Variants in LY75 observed in about 807,000 individuals in gnomAD.
The protein encoded by LY75 is lymphocyte antigen 75.
LY75 carries 185 observed loss-of-function variants against 231.7 expected under a neutral mutation model. The ratio of observed to expected loss-of-function variants is 0.80; its 90% confidence interval spans 0.71 to 0.90. The LOEUF (loss-of-function observed/expected upper bound fraction) is 0.90. Among genes scored for constraint, LY75 ranks in the 40% least tolerant of loss-of-function variants. LY75 has a pLI of 0.00. For missense variants in LY75, 1,947 were observed against 2,050.2 expected (o/e 0.95, Z 0.97); for synonymous variants, 668 against 689.0 (o/e 0.97, Z 0.48).
intron 23 of LY75, among the ~76,000 whole-genome samples, chr2:159,843,109 A>T (rs569212267): frequency 4.6e-5 from 7 of 152,156 alleles, no homozygotes; most frequent in African/African-American, 1.7e-4. Flanking sequence ...TTTTTTTTAA[A>T]GGAAATATGA....
rs2125824615 is a variant in LY75 at position 159,804,453 on chromosome 2, T to C, written c.*591A>G. ...TCGCTTGAACCTGGGAGGCGGAGAT[T>C]TGCAGTGAGCCGAGATCACGCCATT... On this transcript the variant is annotated 3_prime_UTR_variant, in exon 35 of 35. Coordinates refer to ENST00000263636, the MANE Select transcript of LY75 (RefSeq NM_002349.4). The C allele has an allele frequency of 6.5e-6, 1 of 152,722 alleles. No homozygotes were observed. The highest frequency in any genetic ancestry group is 6.5e-5 in the Admixed American group (1 of 15,292). The allele number at this position is 152,722 out of a possible 1,614,324, so 9.5% of individuals were successfully genotyped here.
At chr2:159,828,954 A>G (rs1283765580) in intron 28 of LY75, among the ~76,000 whole-genome samples, 6 of 152,236 alleles carry the variant, frequency 3.9e-5, no homozygotes, top group Admixed American at 3.9e-4. Context: ...TTTTACATTC[A>G]GGCAATCTGT....
intron 23 of LY75, among the ~76,000 whole-genome samples, chr2:159,848,093 T>TATACACACACACACACAC: frequency 1.0e-3 from 29 of 28,558 alleles, no homozygotes; most frequent in African/African-American, 1.4e-3. Context: ...TATATATATA[T>TATACACACACACACACAC]ACACACACAC....
At chr2:159,861,392 T>G (rs1165270657) in intron 14 of LY75, among the ~76,000 whole-genome samples, 1 of 152,120 alleles carries the variant, frequency 6.6e-6, no homozygotes, top group Non-Finnish European at 1.5e-5. Context: ...CCTTATAATA[T>G]AAATGTGGAA....
At position 159,850,791 on chromosome 2, in the gene LY75, T is replaced by TAAAA. The variant is rs1553805727; in HGVS notation, c.2884-325_2884-324insTTTT. Reference sequence around the variant, plus strand: ...AAACTTTCATATATATATATATATATATATATATTATATCTTATATATAAG... The same window carrying TAAAA: ...AAACTTTCATATATATATATATATATAAAAATATATATTATATCTTATATATAAG... On this transcript the variant is annotated intron_variant, in intron 21 of 34. Transcript: ENST00000263636. Among the ~76,000 whole-genome samples the TAAAA allele has an allele frequency of 1.1e-4, 10 of 94,484 alleles. 1 individual carries two copies. Among genetic ancestry groups the TAAAA allele is most frequent in the Non-Finnish European group, 1.8e-4 (8 of 43,788 alleles). 62.0% of individuals were successfully genotyped at this position (94,484 alleles called of 152,430 possible). A position where few individuals can be genotyped will look rare whatever the true frequency, so the allele number is the denominator to read the frequency against.
chr2:159,826,040 T>C (rs778468931), intron 28 of LY75, among the ~76,000 whole-genome samples: 9 of 152,188 alleles, frequency 5.9e-5, no homozygotes, highest in African/African-American at 2.2e-4. Context: ...CTTTGAAAAC[T>C]GGCACAAGAT....
In LY75 at chr2:159,808,476, A is replaced by G; in HGVS notation, c.4795T>C (p.Trp1599Arg). The G allele has an allele frequency of 6.2e-7, 1 of 1,613,938 alleles. No homozygotes were observed. Among genetic ancestry groups the G allele is most frequent in the Non-Finnish European group, 8.5e-7 (1 of 1,179,946 alleles). Reference sequence around the variant, plus strand: ...ACAGAATGTTGAGATAATCCAAGCCAAACTCTCATGGTAATGTTATTATTT... The same window carrying G: ...ACAGAATGTTGAGATAATCCAAGCCGAACTCTCATGGTAATGTTATTATTT... Reference protein sequence around the residue: ...RENNNITMRVWLGLSQHSVDQ... With the variant: ...RENNNITMRVRLGLSQHSVDQ... Residue 1599 changes from tryptophan to arginine, a missense_variant, in exon 33 of 35, where the codon TGG becomes CGG. By Grantham distance (101) the Trp-to-Arg change is moderately radical. Transcript: ENST00000263636.
Position 159,803,701 on chromosome 2 carries a change from A to G in LY75, c.*1343T>C, listed in dbSNP as rs1018802871. On this transcript the variant is annotated 3_prime_UTR_variant, in exon 35 of 35. Transcript: ENST00000263636. ...TCCAGTGGATGCTATTACTAAGACT[A>G]TAATCTAGGTGTCAAAACTTAAAGT... is the stretch of plus-strand genomic sequence containing the variant. The G allele has an allele frequency of 2.6e-5, 4 of 152,254 alleles. No homozygotes were observed. The highest frequency in any genetic ancestry group is 4.8e-5 in the African/African-American group (2 of 41,474). 9.4% of individuals were successfully genotyped at this position (152,254 alleles called of 1,614,324 possible). A position where few individuals can be genotyped will look rare whatever the true frequency, so the allele number is the denominator to read the frequency against.
intron 21 of LY75, among the ~76,000 whole-genome samples, chr2:159,851,251 C>T (rs557561662): frequency 6.6e-6 from 1 of 152,162 alleles, no homozygotes; most frequent in Non-Finnish European, 1.5e-5. Flanking sequence ...CAGATGCTTT[C>T]AGCTGTCAGA....
chr2:159,872,541 C>T lies in LY75; in HGVS notation c.2027G>A (p.Arg676Gln), dbSNP rs115433124. ...GTGTGCTCCAAGGGCTTGGCAGAAT[C>T]GTTCAGCTTCTTCCCAGTTCCTCTT... ...VRKRNWEEAE[R>Q]FCQALGAHLS... The change falls in exon 13 of 35, where the codon CGA (arginine) becomes CAA (glutamine). Residue 676 changes from arginine to glutamine, a missense_variant. Coordinates refer to ENST00000263636, the MANE Select transcript of LY75 (RefSeq NM_002349.4). 187 of 1,613,918 alleles carry T rather than the reference C, an allele frequency of 1.2e-4. No individual in the cohort carries two copies. The East Asian group carries it at 3.3e-3, about 28-fold the overall frequency.
chr2:159,876,748 G>A (rs1685281162), intron 11 of LY75, among the ~76,000 whole-genome samples: 2 of 152,040 alleles, frequency 1.3e-5, no homozygotes, highest in Admixed American at 6.6e-5. Context: ...GCTCACGCCT[G>A]TAATCCCAGC....
At chr2:159,890,500 C>T in intron 3 of LY75, 123 bp from the exon 4 acceptor site, 1 of 1,334,390 alleles carries the variant, frequency 7.5e-7, no homozygotes, top group Non-Finnish European at 1.0e-6. Context: ...GGGAGACTGC[C>T]ATCACTCATT....
chr2:159,816,741 G>A (rs972976752), intron 30 of LY75, 65 bp downstream of exon 30: 16 of 1,590,118 alleles, frequency 1.0e-5, no homozygotes, highest in African/African-American at 4.0e-5. Flanking sequence ...AATACTTTAC[G>A]CTCAAATTTC....
chr2:159,882,028 T>G (rs751506309), intron 7 of LY75, 96 bp downstream of exon 7: 24 of 1,418,412 alleles, frequency 1.7e-5, no homozygotes, highest in Non-Finnish European at 2.3e-5. Context: ...ATCTGTGGGA[T>G]CAAACTGTAA....
intron 33 of LY75, 181 bp downstream of exon 33, chr2:159,808,268 A>C (rs1682847759): frequency 3.9e-6 from 3 of 778,400 alleles, no homozygotes; most frequent in Non-Finnish European, 4.7e-6. Context: ...CGTCATTGCT[A>C]AGTTAACTCA....
chr2:159,819,635 G>A (rs989855910), intron 29 of LY75, 91 bp downstream of exon 29: 2 of 1,422,772 alleles, frequency 1.4e-6, no homozygotes, highest in African/African-American at 2.9e-5. Flanking sequence ...TACAGAGGAA[G>A]CATTTGATTG....
intron 28 of LY75, among the ~76,000 whole-genome samples, chr2:159,824,664 C>A (rs901341070): frequency 1.3e-5 from 2 of 152,198 alleles, no homozygotes; most frequent in Admixed American, 6.5e-5. Flanking sequence ...AATATACATT[C>A]TTCTCAGCAC....
At chr2:159,831,431 T>A (rs1683655839) in intron 28 of LY75, among the ~76,000 whole-genome samples, 1 of 152,242 alleles carries the variant, frequency 6.6e-6, no homozygotes, top group Non-Finnish European at 1.5e-5. Flanking sequence ...GGTAGTTCTT[T>A]TTAGCAGTGC....
intron 14 of LY75, among the ~76,000 whole-genome samples, chr2:159,862,908 T>C (rs1684756850): frequency 6.6e-6 from 1 of 152,112 alleles, no homozygotes. Flanking sequence ...TTATTCTTCC[T>C]ATCTAAATGA....
Sources: gnomAD v4.1 joint callset for allele counts (sites outside exome capture counted in the v4.1 genomes callset) on GRCh38, gnomAD v4.1.1 for gene constraint, MANE v1.5 for transcripts, NCBI Gene and HGNC (gene_info 2026-07-23, HGNC 2026-07-21) for gene names.